Variants in GMPS observed in about 807,000 individuals in gnomAD.
The protein encoded by GMPS is GMP synthase [glutamine-hydrolyzing].
A neutral mutation model predicts 77.9 loss-of-function variants in GMPS; 15 were observed. The ratio of observed to expected loss-of-function variants is 0.19; its 90% CI spans 0.13 to 0.30. The LOEUF is 0.30. Ranked by LOEUF, GMPS falls within the 10% of genes least tolerant of loss-of-function variation. The probability of loss-of-function intolerance (pLI) is 1.00; values close to 1 mark genes in which losing one functional copy is unlikely to be tolerated. For missense variants in GMPS, 590 were observed against 838.8 expected (o/e 0.70, Z 3.66); for synonymous variants, 224 against 275.9 (o/e 0.81, Z 1.86).
At position 155,884,804 on chromosome 3, in the gene GMPS, G is replaced by A. The variant is rs111611997; in HGVS notation, c.28-8714G>A. On this transcript the variant is annotated intron_variant, in intron 1 of 15. Coordinates refer to ENST00000496455, the MANE Select transcript of GMPS (RefSeq NM_003875.3). ...AGGGTATGTGTATGGGGTTCTGGCTGTCTTTAGGTGGGTGCTAGAACTGGT... is the reference window on the plus strand; with the variant it reads ...AGGGTATGTGTATGGGGTTCTGGCTATCTTTAGGTGGGTGCTAGAACTGGT... Among the ~76,000 whole-genome samples, 79 of 152,314 alleles carry A rather than the reference G, an allele frequency of 5.2e-4. 4 individuals are homozygous for A. The highest frequency in any genetic ancestry group is 1.8e-3 in the African/African-American group (76 of 41,570).
chr3:155,887,343 A>G (rs1754360894), intron 1 of GMPS, among the ~76,000 whole-genome samples: 1 of 152,234 alleles, frequency 6.6e-6, no homozygotes. Context: ...GTAATGGAAC[A>G]AAATGACATT....
intron 14 of GMPS, 60 bp downstream of exon 14, chr3:155,935,106 T>G (rs1381411641): frequency 2.6e-6 from 3 of 1,174,416 alleles, no homozygotes; most frequent in Non-Finnish European, 3.8e-6. Flanking sequence ...AGCTTGATAT[T>G]AAGAGTAGGA....
intron 3 of GMPS, among the ~76,000 whole-genome samples, 193 bp downstream of exon 3, chr3:155,898,234 A>T (rs1754648429): frequency 6.6e-6 from 1 of 152,204 alleles, no homozygotes; most frequent in Non-Finnish European, 1.5e-5. Context: ...TTTTCAAAGT[A>T]GTAAGTACAC....
At chr3:155,915,876 A>G (rs748973683) in intron 8 of GMPS, 143 bp from the exon 9 acceptor site, 137 of 621,904 alleles carry the variant, frequency 2.2e-4, no homozygotes, top group Middle Eastern at 1.7e-3. Flanking sequence ...CATGTTCATT[A>G]AGGAGTTTAT....
chr3:155,933,484 T>A (rs1382910973), intron 13 of GMPS, among the ~76,000 whole-genome samples: 2 of 152,160 alleles, frequency 1.3e-5, no homozygotes, highest in Non-Finnish European at 2.9e-5. Context: ...AAAGATCTTT[T>A]ATGAACTTTA....
chr3:155,931,241 T>G (rs920334952), intron 12 of GMPS, among the ~76,000 whole-genome samples: 4 of 151,898 alleles, frequency 2.6e-5, no homozygotes, highest in African/African-American at 9.7e-5. Flanking sequence ...TGGAGTGCAG[T>G]GATACGATCT....
intron 5 of GMPS, among the ~76,000 whole-genome samples, chr3:155,908,350 A>AGATG (rs1754947650): frequency 6.6e-6 from 1 of 152,196 alleles, no homozygotes; most frequent in Non-Finnish European, 1.5e-5. Context: ...TCAATCTGTG[A>AGATG]GATGGGGGCC....
upstream of GMPS, among the ~76,000 whole-genome samples, chr3:155,870,013 C>A (rs1460021822): frequency 1.3e-5 from 2 of 152,210 alleles, no homozygotes; most frequent in Non-Finnish European, 2.9e-5. Flanking sequence ...GCTTCACGAC[C>A]AGTTCCCTGG....
intron 1 of GMPS, among the ~76,000 whole-genome samples, chr3:155,875,804 A>C (rs553437910): frequency 6.6e-6 from 1 of 152,322 alleles, no homozygotes; most frequent in African/African-American, 2.4e-5. Context: ...TATAGTAAAA[A>C]CATAACAGTC....
chr3:155,907,551 T>G (rs768382070), intron 5 of GMPS, among the ~76,000 whole-genome samples: 3 of 152,174 alleles, frequency 2.0e-5, no homozygotes, highest in Non-Finnish European at 2.9e-5. Flanking sequence ...GTTGTGCCCC[T>G]ACACTCCATC....
rs1367124665 is a variant in GMPS at position 155,943,884 on chromosome 3, A to G, written c.*6192A>G. 6.5e-6 allele frequency: 1 copy of G among 152,818 alleles called. No individual in the cohort carries two copies. The highest frequency in any genetic ancestry group is 1.5e-5 in the Non-Finnish European group (1 of 68,406). 9.5% of individuals were successfully genotyped at this position (152,818 alleles called of 1,614,324 possible). On this transcript the variant is annotated 3_prime_UTR_variant, in exon 16 of 16. Transcript: ENST00000496455. ...AACTTAATTTATTTCCCTTGCATAT[A>G]TAGTAGGGGTTAACATTTTGCTCAA...
chr3:155,879,100 C>T (rs891854333), intron 1 of GMPS, among the ~76,000 whole-genome samples: 1 of 152,134 alleles, frequency 6.6e-6, no homozygotes, highest in African/African-American at 2.4e-5. Context: ...GAGGGTGGAT[C>T]TTCCTTTCTG....
At position 155,940,880 on chromosome 3, in the gene GMPS, T is replaced by C. The variant is rs976662301; in HGVS notation, c.*3188T>C. 1 of 216,660 alleles carries C rather than the reference T, an allele frequency of 4.6e-6. No individual in the cohort carries two copies. Among genetic ancestry groups the C allele is most frequent in the Non-Finnish European group, 9.3e-6 (1 of 107,586 alleles). The allele number at this position is 216,660 out of a possible 1,614,324, so 13.4% of individuals were successfully genotyped here. ...TTTGACCACTTGGGGCATCTTCTGC[T>C]GTGAGATGACACTTGAAAAACACCC... On this transcript the variant is annotated 3_prime_UTR_variant, in exon 16 of 16. Coordinates refer to ENST00000496455, the MANE Select transcript of GMPS (RefSeq NM_003875.3).
At chr3:155,886,492 A>G (rs553044352) in intron 1 of GMPS, among the ~76,000 whole-genome samples, 27 of 146,048 alleles carry the variant, frequency 1.8e-4, no homozygotes, top group African/African-American at 3.6e-4. Flanking sequence ...AGAGAATTGC[A>G]GTGAGCTGAG....
chr3:155,893,673 A>G lies in GMPS; in HGVS notation c.183A>G (p.Ala61=), dbSNP rs573093930. 3 of 1,608,724 alleles carry G rather than the reference A, an allele frequency of 1.9e-6. No homozygotes were observed. The highest frequency in any genetic ancestry group is 1.3e-5 in the African/African-American group (1 of 74,892). ...AAATTTTCCCCTTGGAAACACCAGC[A>G]TTTGCTATAAAGGAACAAGGATTCC... The part of the protein sequence containing the change: ...QSEIFPLETP[A]FAIKEQGFRA... Residue 61 remains alanine, a synonymous_variant, in exon 2 of 16, where the codon GCA becomes GCG. Coordinates refer to ENST00000496455, the MANE Select transcript of GMPS (RefSeq NM_003875.3).
chr3:155,883,316 C>G (rs1394640092), intron 1 of GMPS, among the ~76,000 whole-genome samples: 1 of 152,118 alleles, frequency 6.6e-6, no homozygotes, highest in Admixed American at 6.5e-5. Context: ...CTCAAGTGAT[C>G]CACTCGCCTC....
At position 155,913,002 on chromosome 3, in the gene GMPS, C is replaced by T. The variant is rs181842718; in HGVS notation, c.887-1417C>T. The stretch of plus-strand genomic sequence containing the variant: ...GGATGTATTCTCTAGAGGGGCTAAA[C>T]GAGAGGTTCTGGGCTTGAGCCTACT... On this transcript the variant is annotated intron_variant, in intron 7 of 15. Coordinates refer to ENST00000496455, the MANE Select transcript of GMPS (RefSeq NM_003875.3). Among the ~76,000 whole-genome samples, 36 of 152,300 alleles carry T rather than the reference C, an allele frequency of 2.4e-4. No individual in the cohort carries two copies. The East Asian group carries it at 4.2e-3, about 18-fold the overall frequency.
intron 3 of GMPS, among the ~76,000 whole-genome samples, 158 bp from the exon 4 acceptor site, chr3:155,903,705 C>T (rs1320081723): frequency 6.6e-6 from 1 of 152,120 alleles, no homozygotes; most frequent in Non-Finnish European, 1.5e-5. Context: ...TTATATATAA[C>T]AATACCAAAT....
In GMPS at chr3:155,925,315, T is replaced by A. The variant is rs2108131192; in HGVS notation, c.1509T>A (p.Ser503Arg). The stretch of plus-strand genomic sequence containing the variant: ...AGGAGAAGCTGATGCAAATTACCAG[T>A]CTGCATTCACTGAATGCCTTCTTGC... ...EDQEKLMQIT[S>R]LHSLNAFLLP... is the part of the protein sequence containing the mutation. Residue 503 changes from serine to arginine, a missense_variant, in exon 12 of 16, where the codon AGT becomes AGA. Ser to Arg is a moderately radical substitution (Grantham distance 110, BLOSUM62 -1). This residue lies in a region of GMPS where 89 missense variants were observed against 95.9 expected (regional missense o/e 0.93). Coordinates refer to ENST00000496455, the MANE Select transcript of GMPS (RefSeq NM_003875.3). 2 of 1,609,790 alleles carry A rather than the reference T, an allele frequency of 1.2e-6. No homozygotes were observed. The highest frequency in any genetic ancestry group is 1.7e-6 in the Non-Finnish European group (2 of 1,176,186).
Sources: gnomAD v4.1 joint callset for allele counts (sites outside exome capture counted in the v4.1 genomes callset) on GRCh38, gnomAD v4.1.1 for gene constraint, gnomAD v4.1.1 regional missense constraint, MANE v1.5 for transcripts, NCBI Gene and HGNC (gene_info 2026-07-23, HGNC 2026-07-21) for gene names.